The following LRRC1 variants were observed in gnomAD, a reference collection of about 807,000 sequenced individuals.
LRRC1 encodes leucine rich repeat containing 1, also known as leucine-rich repeat-containing protein 1.
A neutral mutation model predicts 69.9 loss-of-function variants in LRRC1; 28 were observed. The ratio of observed to expected loss-of-function variants is 0.40; its 90% confidence interval spans 0.30 to 0.55. The LOEUF is 0.55. Ranked by LOEUF, LRRC1 falls within the 20% of genes least tolerant of loss-of-function variation. LRRC1 has a pLI of 0.47. For missense variants in LRRC1, 498 were observed against 609.0 expected (o/e 0.82, Z 1.92); for synonymous variants, 236 against 240.2 (o/e 0.98, Z 0.16).
chr6:53,882,020 T>G (rs1767307408), intron 3 of LRRC1, among the ~76,000 whole-genome samples: 1 of 152,192 alleles, frequency 6.6e-6, no homozygotes, highest in Non-Finnish European at 1.5e-5. Flanking sequence ...TTATTTCAAG[T>G]GGTTGGCAAC....
chr6:53,802,544 G>A (rs1764516038), intron 1 of LRRC1, among the ~76,000 whole-genome samples: 1 of 152,120 alleles, frequency 6.6e-6, no homozygotes, highest in Admixed American at 6.5e-5. Context: ...AACAAAACCT[G>A]GCAAGTTTTG....
chr6:53,814,245 A>G (rs1764884441), intron 1 of LRRC1, among the ~76,000 whole-genome samples: 1 of 152,214 alleles, frequency 6.6e-6, no homozygotes, highest in African/African-American at 2.4e-5. Flanking sequence ...TCAGTGAATT[A>G]ACTGAATTGT....
intron 1 of LRRC1, among the ~76,000 whole-genome samples, chr6:53,840,927 T>TGTGTGTGTGTGTGTGTGC (rs578018808): frequency 7.5e-6 from 1 of 132,508 alleles, no homozygotes; most frequent in Admixed American, 8.6e-5. Flanking sequence ...TGTGTGTGTG[T>TGTGTGTGTGTGTGTGTGC]GCGTGCGCGC....
chr6:53,856,608 G>T (rs762198017), intron 2 of LRRC1, among the ~76,000 whole-genome samples: 2 of 152,198 alleles, frequency 1.3e-5, no homozygotes, highest in Non-Finnish European at 2.9e-5. Flanking sequence ...ATAGCATGAT[G>T]AATTTGGGGA....
chr6:53,874,450 C>T (rs1228727278), intron 2 of LRRC1, among the ~76,000 whole-genome samples: 2 of 151,722 alleles, frequency 1.3e-5, no homozygotes, highest in African/African-American at 4.8e-5. Flanking sequence ...CATAAATAAG[C>T]GATTATATTT....
rs377502944 is a variant in LRRC1 at position 53,919,602 on chromosome 6, A to G, written c.1211A>G (p.Tyr404Cys). 8 of 1,613,892 alleles carry G rather than the reference A, an allele frequency of 5.0e-6. No individual in the cohort carries two copies. The African/African-American group carries it at 9.4e-5, about 19-fold the overall frequency. ...CTTACATTCCAGACAGACACAGACT[A>G]CACCACAGGAGAGAAGATTTTAACC... ...PLLTFQTDTDYTTGEKILTCV... is the reference protein window; with the variant it reads ...PLLTFQTDTDCTTGEKILTCV... Residue 404 changes from tyrosine (Y) to cysteine (C), a missense_variant, in exon 12 of 14, where the codon TAC (tyrosine) becomes TGC (cysteine). Physicochemically the swap from Tyr to Cys is radical, Grantham distance 194. Coordinates refer to ENST00000370888, the MANE Select transcript of LRRC1 (RefSeq NM_018214.5).
chr6:53,840,954 A>T (rs1765770310), intron 1 of LRRC1, among the ~76,000 whole-genome samples: 1 of 145,434 alleles, frequency 6.9e-6, no homozygotes, highest in Admixed American at 7.0e-5. Flanking sequence ...TCTTTCTTGC[A>T]TGTGGCAGTG....
Position 53,909,222 on chromosome 6 carries a change from T to A in LRRC1, c.991-4632T>A, listed in dbSNP as rs187438972. ...ATTCTTATCTAATTATCACAACAGT[T>A]CTATGAGGTATAGGTAAACCATTTT... On this transcript the variant is annotated intron_variant, in intron 10 of 13. Transcript: ENST00000370888. Among the ~76,000 whole-genome samples, 3 of 152,318 alleles carry A rather than the reference T, an allele frequency of 2.0e-5. No homozygotes were observed. In the East Asian group the frequency reaches 5.8e-4, roughly 29 times the overall value.
intron 1 of LRRC1, among the ~76,000 whole-genome samples, chr6:53,831,368 C>T (rs1046683048): frequency 6.6e-6 from 1 of 152,130 alleles, no homozygotes; most frequent in Non-Finnish European, 1.5e-5. Flanking sequence ...TATTTGTTCT[C>T]TTAGTATTTG....
chr6:53,920,835 T>C, intron 13 of LRRC1, 74 bp downstream of exon 13: 14 of 1,511,866 alleles, frequency 9.3e-6, no homozygotes, highest in Non-Finnish European at 1.3e-5. Flanking sequence ...AATAAGGATA[T>C]TCTTTATTTT....
intron 2 of LRRC1, among the ~76,000 whole-genome samples, chr6:53,872,852 G>A (rs1051084840): frequency 1.4e-5 from 2 of 144,836 alleles, no homozygotes; most frequent in Non-Finnish European, 3.0e-5. Flanking sequence ...GGCCTCCCAC[G>A]TTCAAGCAAT....
chr6:53,818,926 A>G (rs539510005), intron 1 of LRRC1, among the ~76,000 whole-genome samples: 34 of 152,302 alleles, frequency 2.2e-4, no homozygotes, highest in African/African-American at 8.2e-4. Flanking sequence ...CTTTAATACA[A>G]TGAATGCACC....
intron 2 of LRRC1, among the ~76,000 whole-genome samples, chr6:53,844,886 G>C (rs558866820): frequency 6.6e-6 from 1 of 152,138 alleles, no homozygotes; most frequent in Admixed American, 6.5e-5. Flanking sequence ...AAGGTTCAGG[G>C]CTTTCCTGGA....
At chr6:53,819,618 A>C (rs1765056689) in intron 1 of LRRC1, among the ~76,000 whole-genome samples, 1 of 152,148 alleles carries the variant, frequency 6.6e-6, no homozygotes, top group East Asian at 1.9e-4. Flanking sequence ...AAAAGAGCAC[A>C]TTGGAGACTC....
chr6:53,809,565 G>A (rs908536652), intron 1 of LRRC1, among the ~76,000 whole-genome samples: 1 of 152,206 alleles, frequency 6.6e-6, no homozygotes, highest in East Asian at 1.9e-4. Context: ...TTGTATAAAG[G>A]TGGTTTTGGT....
At chr6:53,841,613 T>C (rs1765793050) in intron 1 of LRRC1, among the ~76,000 whole-genome samples, 1 of 152,178 alleles carries the variant, frequency 6.6e-6, no homozygotes, top group Non-Finnish European at 1.5e-5. Context: ...GTGCAGACTT[T>C]TTAGACTGGT....
intron 10 of LRRC1, among the ~76,000 whole-genome samples, chr6:53,908,453 C>A (rs780334903): frequency 2.0e-5 from 3 of 152,022 alleles, no homozygotes; most frequent in Non-Finnish European, 2.9e-5. Flanking sequence ...AGTTTTTCTG[C>A]CTTCTTATTA....
At chr6:53,874,551 C>T (rs2127428461) in intron 2 of LRRC1, among the ~76,000 whole-genome samples, 1 of 152,200 alleles carries the variant, frequency 6.6e-6, no homozygotes, top group African/African-American at 2.4e-5. Flanking sequence ...AGCATAGATC[C>T]AAATGTTTTA....
chr6:53,888,956 A>T (rs142389497), intron 4 of LRRC1, among the ~76,000 whole-genome samples: 2 of 152,220 alleles, frequency 1.3e-5, no homozygotes, highest in Non-Finnish European at 2.9e-5. Context: ...TGTAAATCAT[A>T]TATCTTATCA....
Sources: gnomAD v4.1 joint callset for allele counts (sites outside exome capture counted in the v4.1 genomes callset) on GRCh38, gnomAD v4.1.1 for gene constraint, MANE v1.5 for transcripts, NCBI Gene and HGNC (gene_info 2026-07-23, HGNC 2026-07-21) for gene names.